MYOM1: variants seen among roughly 807,000 people sequenced by gnomAD.
The protein encoded by MYOM1 is myomesin-1.
MYOM1 carries 164 observed loss-of-function variants against 205.3 expected under a neutral mutation model. The ratio of observed to expected loss-of-function variants is 0.80; its 90% CI spans 0.70 to 0.91. The LOEUF (loss-of-function observed/expected upper bound fraction) is 0.91. Among genes scored for constraint, MYOM1 ranks in the 40% least tolerant of loss-of-function variants. MYOM1 has a pLI of 0.00. For missense variants in MYOM1, 2,011 were observed against 2,127.3 expected (o/e 0.95, Z 1.08); for synonymous variants, 772 against 789.4 (o/e 0.98, Z 0.37).
chr18:3,116,651 A>C, intron 20 of MYOM1, 136 bp from the exon 21 acceptor site: 1 of 821,132 alleles, frequency 1.2e-6, no homozygotes, highest in East Asian at 2.9e-5. Context: ...CCCATGAAAA[A>C]TAAGTATTCT....
intron 10 of MYOM1, among the ~76,000 whole-genome samples, chr18:3,163,609 T>C (rs1489346778): frequency 2.0e-5 from 3 of 151,986 alleles, no homozygotes; most frequent in Admixed American, 1.3e-4. Context: ...CGCACCACCA[T>C]GCCCGGCTAA....
At position 3,090,818 on chromosome 18, in the gene MYOM1, A is replaced by C. The variant is rs779242949; in HGVS notation, c.3865-16T>G. ...TTTTATATTTCTTCAGTGTGAAAAG[A>C]AAATGACAGAGAAATCACTGAGGCA... On this transcript the variant is annotated splice_polypyrimidine_tract_variant and intron_variant, in intron 26 of 37. Coordinates refer to ENST00000356443, the MANE Select transcript of MYOM1 (RefSeq NM_003803.4). 2 of 1,613,482 alleles carry C rather than the reference A, an allele frequency of 1.2e-6. No homozygotes were observed. Among genetic ancestry groups the C allele is most frequent in the Non-Finnish European group, 1.7e-6 (2 of 1,179,600 alleles).
chr18:3,223,003 C>A (rs934147208), upstream of MYOM1, among the ~76,000 whole-genome samples: 4 of 152,148 alleles, frequency 2.6e-5, no homozygotes, highest in Non-Finnish European at 5.9e-5. Flanking sequence ...CCACCTCAGC[C>A]TCCCGAGTAG....
intron 2 of MYOM1, among the ~76,000 whole-genome samples, chr18:3,199,432 A>G (rs1201878864): frequency 6.6e-6 from 1 of 152,238 alleles, no homozygotes; most frequent in Non-Finnish European, 1.5e-5. Context: ...ATGTGTGGGA[A>G]AAATTGGAGA....
intron 2 of MYOM1, among the ~76,000 whole-genome samples, chr18:3,212,556 C>A (rs1253244648): frequency 6.6e-6 from 1 of 151,968 alleles, no homozygotes; most frequent in Non-Finnish European, 1.5e-5. Flanking sequence ...AAATAAAGAT[C>A]CTTTAAAAAT....
chr18:3,158,269 A>G (rs188235398), intron 10 of MYOM1, among the ~76,000 whole-genome samples: 34 of 152,340 alleles, frequency 2.2e-4, no homozygotes, highest in African/African-American at 7.5e-4. Flanking sequence ...CCATATCAAT[A>G]CATGTGGGTA....
At chr18:3,243,070 T>C in the MYOM1 span, among the ~76,000 whole-genome samples, 1 of 152,198 alleles carries the variant, frequency 6.6e-6, no homozygotes. Flanking sequence ...CTGACTTTAA[T>C]GATAATTCTG....
chr18:3,229,752 C>T, the MYOM1 span, among the ~76,000 whole-genome samples: 1 of 152,044 alleles, frequency 6.6e-6, no homozygotes, highest in Admixed American at 6.6e-5. Context: ...TGCGGATCAC[C>T]TGAGGTCGAG....
At chr18:3,228,029 TAC>T in the MYOM1 span, among the ~76,000 whole-genome samples, 1 of 152,248 alleles carries the variant, frequency 6.6e-6, no homozygotes, top group South Asian at 2.1e-4. This position sits in a 1 kb window ranked among gnomAD's most constrained non-coding sequence, Gnocchi z 4.5. Context: ...GTGATCCTGC[TAC>T]AGTTTCATGA....
At chr18:3,193,774 T>A in intron 3 of MYOM1, 44 bp downstream of exon 3, 1 of 1,594,808 alleles carries the variant, frequency 6.3e-7, no homozygotes, top group East Asian at 2.2e-5. Flanking sequence ...GCACTTACTA[T>A]ATACTTCTTA....
intron 2 of MYOM1, among the ~76,000 whole-genome samples, chr18:3,198,811 A>G (rs2081027565): frequency 6.6e-6 from 1 of 151,316 alleles, no homozygotes; most frequent in South Asian, 2.1e-4. Context: ...AAAAAGATTT[A>G]TTCTCCTGTA....
chr18:3,125,018 T>C (rs2079758810), intron 19 of MYOM1, among the ~76,000 whole-genome samples: 1 of 152,124 alleles, frequency 6.6e-6, no homozygotes, highest in South Asian at 2.1e-4. Flanking sequence ...TGAACAGGCA[T>C]AAAAGAGGAT....
chr18:3,202,071 T>G (rs2081075968), intron 2 of MYOM1, among the ~76,000 whole-genome samples: 1 of 152,222 alleles, frequency 6.6e-6, no homozygotes, highest in African/African-American at 2.4e-5. Context: ...GAAATGAAGC[T>G]ATATTAGAGG....
chr18:3,127,325 T>TTTTTTTTA (rs2079808289), intron 18 of MYOM1, among the ~76,000 whole-genome samples: 1 of 122,162 alleles, frequency 8.2e-6, no homozygotes, highest in Non-Finnish European at 1.7e-5. Context: ...TTTTTTTTTT[T>TTTTTTTTA]GAGCTGGGGT....
At chr18:3,207,401 T>C (rs938064298) in intron 2 of MYOM1, among the ~76,000 whole-genome samples, 1 of 152,260 alleles carries the variant, frequency 6.6e-6, no homozygotes, top group Non-Finnish European at 1.5e-5. Flanking sequence ...TATCAGGAGA[T>C]GCCTTACTAA....
At chr18:3,127,305 A>ATATATATATATTTTTT (rs56880961) in intron 18 of MYOM1, among the ~76,000 whole-genome samples, 2 of 47,568 alleles carry the variant, frequency 4.2e-5, no homozygotes, top group Non-Finnish European at 7.3e-5. Context: ...ATATATATAT[A>ATATATATATATTTTTT]TTTTTTTTTT....
At chr18:3,166,723 T>C (rs535381232) in intron 9 of MYOM1, among the ~76,000 whole-genome samples, 1 of 152,292 alleles carries the variant, frequency 6.6e-6, no homozygotes, top group Non-Finnish European at 1.5e-5. Flanking sequence ...TAAAGGACCT[T>C]ATAGGACAAT....
intron 34 of MYOM1, among the ~76,000 whole-genome samples, chr18:3,078,639 T>C (rs2079047887): frequency 6.6e-6 from 1 of 152,100 alleles, no homozygotes; most frequent in Non-Finnish European, 1.5e-5. Flanking sequence ...CCTCACTATG[T>C]TGCCCAGACT....
Position 3,067,133 on chromosome 18 carries a change from A to C in MYOM1, c.*129T>G. The stretch of plus-strand genomic sequence containing the variant: ...GTTGGTGCTTTTTTATATGAGTGAA[A>C]GACCTGACATTATTTTCCCCTCAAG... On this transcript the variant is annotated 3_prime_UTR_variant, in exon 38 of 38. Transcript: ENST00000356443. 1 of 1,017,782 alleles carries C rather than the reference A, an allele frequency of 9.8e-7. No homozygotes were observed. The highest frequency in any genetic ancestry group is 1.4e-6 in the Non-Finnish European group (1 of 712,520). 63.0% of individuals were successfully genotyped at this position (1,017,782 alleles called of 1,614,324 possible). A position where few individuals can be genotyped will look rare whatever the true frequency, so the allele number is the denominator to read the frequency against.
Sources: gnomAD v4.1 joint callset for allele counts (sites outside exome capture counted in the v4.1 genomes callset) on GRCh38, gnomAD v4.1.1 for gene constraint, Gnocchi (gnomAD v3.1) non-coding constraint, MANE v1.5 for transcripts, NCBI Gene and HGNC (gene_info 2026-07-23, HGNC 2026-07-21) for gene names.